THSD7A: variants seen among roughly 807,000 people sequenced by gnomAD.
THSD7A encodes the protein thrombospondin type-1 domain-containing protein 7A.
THSD7A carries 96 observed loss-of-function variants against 231.3 expected under a neutral mutation model. The observed-to-expected ratio is 0.41, with a 90% CI of 0.35 to 0.49. The LOEUF is 0.49. THSD7A is among the 20% of genes least tolerant of loss of function. The probability of loss-of-function intolerance (pLI) is 0.05; values close to 1 mark genes in which losing one functional copy is unlikely to be tolerated. For synonymous variants in THSD7A, 940 were observed against 743.3 expected (o/e 1.26, Z -4.30); for missense variants, 2,290 against 2,070.2 (o/e 1.11, Z -2.06).
intron 23 of THSD7A, among the ~76,000 whole-genome samples, chr7:11,390,742 G>A (rs1482950822): frequency 6.6e-6 from 1 of 152,160 alleles, no homozygotes; most frequent in African/African-American, 2.4e-5. Flanking sequence ...TCTACCATTG[G>A]TGTTTGATTT....
rs1042867466 is a variant in THSD7A, at chr7:11,373,739, A to C, written c.*2055T>G. On this transcript the variant is annotated 3_prime_UTR_variant, in exon 28 of 28. Coordinates refer to ENST00000423059, the MANE Select transcript of THSD7A (RefSeq NM_015204.3). Reference sequence around the variant, plus strand: ...AAATACTCTAATGAACAGCAGGGGGAGTTCATACTCCAGTATGAAGGTAAA... The same window carrying C: ...AAATACTCTAATGAACAGCAGGGGGCGTTCATACTCCAGTATGAAGGTAAA... 6.6e-6 allele frequency: 1 copy of C among 151,986 alleles called. No homozygotes were observed. The highest frequency in any genetic ancestry group is 6.6e-5 in the Admixed American group (1 of 15,210). The allele number at this position is 151,986 out of a possible 1,614,324, so 9.4% of individuals were successfully genotyped here.
intron 6 of THSD7A, among the ~76,000 whole-genome samples, chr7:11,515,495 AAT>A (rs1220346908): frequency 2.0e-5 from 3 of 152,184 alleles, no homozygotes; most frequent in Non-Finnish European, 4.4e-5. Flanking sequence ...AAATAAGCAC[AAT>A]ATCAACAATT....
At chr7:11,442,914 G>GT (rs1485245814) in intron 13 of THSD7A, among the ~76,000 whole-genome samples, 2 of 152,050 alleles carry the variant, frequency 1.3e-5, no homozygotes, top group African/African-American at 2.4e-5. Flanking sequence ...TCATTTTTCT[G>GT]TAAGTGCCTT....
chr7:11,420,269 C>T (rs887749564), intron 16 of THSD7A, among the ~76,000 whole-genome samples: 1 of 152,146 alleles, frequency 6.6e-6, no homozygotes, highest in Non-Finnish European at 1.5e-5. Flanking sequence ...GCCCAGAGGC[C>T]TAGGAGGGAA....
chr7:11,778,178 A>AC (rs1783497013), intron 1 of THSD7A, among the ~76,000 whole-genome samples: 2 of 147,726 alleles, frequency 1.4e-5, no homozygotes, highest in African/African-American at 5.0e-5. Context: ...AAAAAAAAAA[A>AC]GAAAGCCCTT....
At chr7:11,463,094 T>C (rs943098082) in intron 9 of THSD7A, among the ~76,000 whole-genome samples, 1 of 152,190 alleles carries the variant, frequency 6.6e-6, no homozygotes. Flanking sequence ...ATTTCATACA[T>C]AGACTACAGG....
chr7:11,612,929 C>A (rs1440298613), intron 2 of THSD7A, among the ~76,000 whole-genome samples: 2 of 152,216 alleles, frequency 1.3e-5, no homozygotes, highest in African/African-American at 2.4e-5. Flanking sequence ...AGGGCAGGAC[C>A]GTTTCACTAT....
intron 1 of THSD7A, among the ~76,000 whole-genome samples, chr7:11,740,925 A>T (rs569243430): frequency 1.2e-4 from 19 of 152,142 alleles, no homozygotes; most frequent in Non-Finnish European, 1.5e-5. Flanking sequence ...ATTACTGAAC[A>T]TGTGAATTAC....
chr7:11,370,635 T>C lies in THSD7A; in HGVS notation c.*5159A>G, dbSNP rs556984883. 1 of 152,302 alleles carries C rather than the reference T, an allele frequency of 6.6e-6. No homozygotes were observed. Among genetic ancestry groups the C allele is most frequent in the Non-Finnish European group, 1.5e-5 (1 of 68,018 alleles). 9.4% of individuals were successfully genotyped at this position (152,302 alleles called of 1,614,324 possible). A position where few individuals can be genotyped will look rare whatever the true frequency, so the allele number is the denominator to read the frequency against. The stretch of plus-strand genomic sequence containing the variant: ...CGTTAAAAAGGAAATGTACATAATG[T>C]AAAATAAATTACATTACGCAATTTA... On this transcript the variant is annotated 3_prime_UTR_variant, in exon 28 of 28. Coordinates refer to ENST00000423059, the MANE Select transcript of THSD7A (RefSeq NM_015204.3).
At chr7:11,686,232 G>A (rs1233425422) in intron 1 of THSD7A, among the ~76,000 whole-genome samples, 4 of 151,702 alleles carry the variant, frequency 2.6e-5, no homozygotes, top group Non-Finnish European at 5.9e-5. Flanking sequence ...CTAACTGTTA[G>A]GTACTATATT....
At chr7:11,819,743 T>C (rs1784812738) in intron 1 of THSD7A, among the ~76,000 whole-genome samples, 1 of 152,152 alleles carries the variant, frequency 6.6e-6, no homozygotes, top group African/African-American at 2.4e-5. Context: ...GGTGGATAAA[T>C]ATCTCTACAT....
chr7:11,387,990 T>C (rs1403486567), intron 23 of THSD7A, among the ~76,000 whole-genome samples: 1 of 152,156 alleles, frequency 6.6e-6, no homozygotes, highest in African/African-American at 2.4e-5. Context: ...TCTGTTTATG[T>C]GATGGATTAT....
intron 4 of THSD7A, among the ~76,000 whole-genome samples, chr7:11,574,952 G>T (rs2040816): frequency 0.16 from 24,987 of 152,006 alleles, 2,158 homozygotes; most frequent in East Asian, 0.2. Flanking sequence ...TAAGATCACT[G>T]GTTCTGGAGC....
chr7:11,507,154 G>A (rs1417115283), intron 6 of THSD7A, among the ~76,000 whole-genome samples: 1 of 152,134 alleles, frequency 6.6e-6, no homozygotes, highest in African/African-American at 2.4e-5. Context: ...AGCAAGCCAG[G>A]ATTTCTAAAG....
rs1235287878 is a variant in THSD7A, at chr7:11,411,651, A to G, written c.3683-329T>C. 6.6e-6 allele frequency among the ~76,000 whole-genome samples: 1 copy of G among 152,230 alleles called. No individual in the cohort carries two copies. Among genetic ancestry groups the G allele is most frequent in the African/African-American group, 2.4e-5 (1 of 41,450 alleles). The stretch of plus-strand genomic sequence containing the variant: ...AAACTTTCTTTCCCAATAAAAATAT[A>G]ATTTAAAATCTTAGCATTACTTTTA... On this transcript the variant is annotated intron_variant, in intron 18 of 27. Transcript: ENST00000423059. The surrounding 1 kb of genome is among the most constrained non-coding windows in gnomAD (Gnocchi z 4.1).
intron 1 of THSD7A, among the ~76,000 whole-genome samples, chr7:11,781,983 T>C (rs1282993571): frequency 6.6e-6 from 1 of 152,164 alleles, no homozygotes; most frequent in East Asian, 1.9e-4. Context: ...TTAGCCTCTA[T>C]TCTCCAGATC....
At chr7:11,607,026 T>A (rs1301141837) in intron 2 of THSD7A, among the ~76,000 whole-genome samples, 1 of 151,468 alleles carries the variant, frequency 6.6e-6, no homozygotes, top group Non-Finnish European at 1.5e-5. Context: ...AATATATATA[T>A]AAAAGAAAAA....
At position 11,460,672 on chromosome 7, in the gene THSD7A, T is replaced by A; in HGVS notation, c.2595A>T (p.Arg865=). The part of the protein sequence containing the change: ...PGAQEGCGPG[R]QARAITCRKQ... ...AATGGGGCCTCCCACCTCTTGCCTGTCGCCCAGGCCCACAGCCTTCCTGTG... is the reference window on the plus strand; with the variant it reads ...AATGGGGCCTCCCACCTCTTGCCTGACGCCCAGGCCCACAGCCTTCCTGTG... The change falls in exon 11 of 28, where the codon CGA becomes CGT. Residue 865 remains arginine (R), a synonymous_variant. Coordinates refer to ENST00000423059, the MANE Select transcript of THSD7A (RefSeq NM_015204.3). 1 of 1,609,452 alleles carries A rather than the reference T, an allele frequency of 6.2e-7. No homozygotes were observed. Among genetic ancestry groups the A allele is most frequent in the South Asian group, 1.1e-5 (1 of 89,974 alleles).
intron 13 of THSD7A, 93 bp from the exon 14 acceptor site, chr7:11,429,218 C>T: frequency 7.9e-7 from 1 of 1,260,676 alleles, no homozygotes; most frequent in Middle Eastern, 2.2e-4. Context: ...AGGTCCAAGA[C>T]TGACTTGACA....
Sources: allele counts gnomAD v4.1 joint callset (sites outside exome capture counted in the v4.1 genomes callset), GRCh38; gene constraint gnomAD v4.1.1; non-coding constraint Gnocchi (gnomAD v3.1); transcripts MANE v1.5; gene names NCBI Gene and HGNC (gene_info 2026-07-23, HGNC 2026-07-21).